OSMR: variants seen among roughly 807,000 people sequenced by gnomAD.
OSMR encodes oncostatin-M-specific receptor subunit beta.
OSMR carries 81 observed loss-of-function variants against 99.9 expected under a neutral mutation model. The ratio of observed to expected loss-of-function variants is 0.81; its 90% CI spans 0.68 to 0.97. The LOEUF (loss-of-function observed/expected upper bound fraction) is 0.97, where lower values mean the gene tolerates loss of function less well. Among genes scored for constraint, OSMR ranks in the 50% least tolerant of loss-of-function variants. OSMR has a pLI of 0.00. For missense variants in OSMR, 1,099 were observed against 1,153.4 expected (o/e 0.95, Z 0.68); for synonymous variants, 406 against 410.4 (o/e 0.99, Z 0.13).
Position 38,885,412 on chromosome 5 carries a change from C to T in OSMR, c.767C>T (p.Thr256Ile). 1 of 1,613,938 alleles carries T rather than the reference C, an allele frequency of 6.2e-7. No individual in the cohort carries two copies. Among genetic ancestry groups the T allele is most frequent in the Non-Finnish European group, 8.5e-7 (1 of 1,179,858 alleles). ...GAGGACTTCAAGACTTTGCACTGTA[C>T]TTGGGATCCTGGGACGGACACTGCC... ...ETEDFKTLHC[T>I]WDPGTDTALG... Residue 256 changes from threonine to isoleucine, a missense_variant, in exon 6 of 18, where the codon ACT becomes ATT. Coordinates refer to ENST00000274276, the MANE Select transcript of OSMR (RefSeq NM_003999.3).
intron 10 of OSMR, 108 bp from the exon 11 acceptor site, chr5:38,918,732 G>T (rs1018674193): frequency 1.3e-6 from 2 of 1,534,998 alleles, no homozygotes; most frequent in Admixed American, 2.1e-5. Context: ...GAATTTTCTG[G>T]TGTGTGCGTA....
chr5:38,913,646 C>A (rs1393549875), intron 9 of OSMR, among the ~76,000 whole-genome samples: 1 of 151,912 alleles, frequency 6.6e-6, no homozygotes, highest in Non-Finnish European at 1.5e-5. Flanking sequence ...CATCACCAAT[C>A]ATCAGAAAAA....
At chr5:38,869,923 T>C (rs946543435) in intron 2 of OSMR, among the ~76,000 whole-genome samples, 3 of 152,168 alleles carry the variant, frequency 2.0e-5, no homozygotes, top group African/African-American at 7.2e-5. Context: ...AGGTGTTTGC[T>C]CCTAGTAATT....
intron 9 of OSMR, among the ~76,000 whole-genome samples, chr5:38,913,781 A>G (rs958020254): frequency 2.0e-5 from 3 of 152,212 alleles, no homozygotes; most frequent in Non-Finnish European, 4.4e-5. Context: ...AGCAGTCAGC[A>G]CCACTGTCCT....
At chr5:38,895,414 C>G (rs910032394) in intron 7 of OSMR, among the ~76,000 whole-genome samples, 2 of 152,066 alleles carry the variant, frequency 1.3e-5, no homozygotes, top group South Asian at 4.2e-4. Context: ...TTTTCATATG[C>G]CTGTTTGCAA....
chr5:38,933,841 T>C lies in OSMR; in HGVS notation c.*397T>C, dbSNP rs1746896055. 5.1e-6 allele frequency: 1 copy of C among 195,890 alleles called. No individual in the cohort carries two copies. The highest frequency in any genetic ancestry group is 2.3e-5 in the African/African-American group (1 of 43,044). The allele number at this position is 195,890 out of a possible 1,614,324, so 12.1% of individuals were successfully genotyped here. ...ATTTCCATTAACAGCAATTATTATA[T>C]TGAAGGCTTTAATAAAGGCCACAGG... is the stretch of plus-strand genomic sequence containing the variant. On this transcript the variant is annotated 3_prime_UTR_variant, in exon 18 of 18. Coordinates refer to ENST00000274276, the MANE Select transcript of OSMR (RefSeq NM_003999.3).
chr5:38,877,775 A>G (rs2112326404), intron 3 of OSMR, among the ~76,000 whole-genome samples: 1 of 152,354 alleles, frequency 6.6e-6, no homozygotes, highest in South Asian at 2.1e-4. Context: ...TTATTTTTCC[A>G]AAAGACAACT....
At chr5:38,924,348 C>A (rs1315256899) in intron 13 of OSMR, 74 bp from the exon 14 acceptor site, 1 of 1,607,918 alleles carries the variant, frequency 6.2e-7, no homozygotes, top group Non-Finnish European at 8.5e-7. Flanking sequence ...TATGGTTCTT[C>A]TATTAGTTGA....
chr5:38,887,276 AG>A, intron 7 of OSMR, among the ~76,000 whole-genome samples: 1 of 152,230 alleles, frequency 6.6e-6, no homozygotes. Flanking sequence ...AATATTTTAA[AG>A]GTATCATTTC....
At chr5:38,937,805 A>C (rs940952108), downstream of OSMR, 6 of 168,058 alleles carry the variant, frequency 3.6e-5, no homozygotes, top group African/African-American at 1.4e-4. This position sits in a 1 kb window ranked among gnomAD's most constrained non-coding sequence, Gnocchi z 4.0. Context: ...TGTCTGTGGT[A>C]CCTAAAAGTC....
intron 9 of OSMR, 127 bp downstream of exon 9, chr5:38,904,630 A>C: frequency 8.9e-7 from 1 of 1,120,008 alleles, no homozygotes; most frequent in South Asian, 1.3e-5. Flanking sequence ...GGTAGCATTT[A>C]AAAAATTAGA....
intron 2 of OSMR, among the ~76,000 whole-genome samples, chr5:38,875,323 T>C (rs1742729456): frequency 6.6e-6 from 1 of 152,000 alleles, no homozygotes. Flanking sequence ...CATGATTTGT[T>C]CTTCTTTAAG....
At position 38,882,278 on chromosome 5, in the gene OSMR, T is replaced by C. The variant is rs376570137; in HGVS notation, c.418+514T>C. ...TGAGACAGCTTTGTTGATAGAAATTTATTTACAGAAACAGGGCCAGGCATG... is the reference window on the plus strand; with the variant it reads ...TGAGACAGCTTTGTTGATAGAAATTCATTTACAGAAACAGGGCCAGGCATG... On this transcript the variant is annotated intron_variant, in intron 4 of 17. Coordinates refer to ENST00000274276, the MANE Select transcript of OSMR (RefSeq NM_003999.3). 4.9e-4 allele frequency among the ~76,000 whole-genome samples: 75 copies of C among 152,278 alleles called. 1 individual carries two copies. The South Asian group carries it at 0.014, about 28-fold the overall frequency.
intron 7 of OSMR, among the ~76,000 whole-genome samples, chr5:38,890,925 A>C (rs1238374060): frequency 6.6e-6 from 1 of 152,174 alleles, no homozygotes; most frequent in Non-Finnish European, 1.5e-5. Context: ...AATACTTGGC[A>C]TGCCCGAATA....
downstream of OSMR, chr5:38,938,513 TAAAG>T (rs1393935806): frequency 8.6e-6 from 2 of 232,522 alleles, no homozygotes; most frequent in East Asian, 6.1e-5. Context: ...AAATATTCTA[TAAAG>T]AAAGTAAAAC....
chr5:38,913,724 C>T (rs1241800267), intron 9 of OSMR, among the ~76,000 whole-genome samples: 1 of 152,120 alleles, frequency 6.6e-6, no homozygotes, highest in Admixed American at 6.5e-5. Flanking sequence ...AAAATCTTTG[C>T]ATGTTGTTAC....
intron 5 of OSMR, 196 bp from the exon 6 acceptor site, chr5:38,885,153 A>G (rs1288411298): frequency 1.2e-5 from 12 of 983,674 alleles, no homozygotes; most frequent in Admixed American, 6.2e-5. Context: ...TCACAAGGGC[A>G]GGAAGGAGAA....
At chr5:38,918,767 A>G in intron 10 of OSMR, 73 bp from the exon 11 acceptor site, 2 of 1,581,828 alleles carry the variant, frequency 1.3e-6, no homozygotes, top group Admixed American at 3.6e-5. Flanking sequence ...GGGACAGAAA[A>G]GATGAAAAAG....
At chr5:38,889,502 C>A (rs891108475) in intron 7 of OSMR, among the ~76,000 whole-genome samples, 21 of 152,112 alleles carry the variant, frequency 1.4e-4, no homozygotes, top group Admixed American at 1.2e-3. Flanking sequence ...ATATCTATTT[C>A]TTTCCTGAGT....
Sources: allele counts gnomAD v4.1 joint callset (sites outside exome capture counted in the v4.1 genomes callset), GRCh38; gene constraint gnomAD v4.1.1; non-coding constraint Gnocchi (gnomAD v3.1); transcripts MANE v1.5; gene names NCBI Gene and HGNC (gene_info 2026-07-23, HGNC 2026-07-21).